The following DSE variants were observed in gnomAD, a reference collection of about 807,000 sequenced individuals.
DSE encodes the protein dermatan-sulfate epimerase.
Under a neutral mutation model 84.4 loss-of-function variants are expected in DSE, and 36 were observed. That is an observed-to-expected ratio of 0.43 (90% CI 0.33 to 0.56). DSE has a LOEUF of 0.56. Ranked by LOEUF, DSE falls within the 20% of genes least tolerant of loss-of-function variation. The pLI is 0.06. For synonymous variants in DSE, 410 were observed against 430.1 expected, an observed-to-expected ratio of 0.95 and a Z score of 0.58; for missense variants, 862 against 1,169.6, an observed-to-expected ratio of 0.74 and a Z score of 3.84.
intron 2 of DSE, among the ~76,000 whole-genome samples, chr6:116,286,783 A>G (rs781718094): frequency 2.0e-5 from 3 of 152,280 alleles, no homozygotes; most frequent in Non-Finnish European, 4.4e-5. Context: ...TGTGATTCAA[A>G]TACCATGGTG....
At chr6:116,406,121 G>A (rs1300892465) in intron 2 of DSE, among the ~76,000 whole-genome samples, 1 of 152,118 alleles carries the variant, frequency 6.6e-6, no homozygotes, top group Non-Finnish European at 1.5e-5. Flanking sequence ...TTCAGTATTG[G>A]TATGACCCTC....
chr6:116,393,761 T>C (rs1257612006), intron 1 of DSE, among the ~76,000 whole-genome samples: 1 of 152,234 alleles, frequency 6.6e-6, no homozygotes, highest in Admixed American at 6.5e-5. Flanking sequence ...GGTTTTTTAA[T>C]CCATCTTAGT....
intron 2 of DSE, among the ~76,000 whole-genome samples, chr6:116,300,371 G>T (rs1774957954): frequency 6.6e-6 from 1 of 152,094 alleles, no homozygotes; most frequent in South Asian, 2.1e-4. Context: ...TCATACAAAT[G>T]CAAAAATGAA....
chr6:116,311,780 A>G (rs114662948), intron 2 of DSE, among the ~76,000 whole-genome samples: 145 of 152,214 alleles, frequency 9.5e-4, no homozygotes, highest in African/African-American at 3.2e-3. Flanking sequence ...GAATGTTCCA[A>G]ATGTTTAAAG....
intron 2 of DSE, among the ~76,000 whole-genome samples, chr6:116,421,893 C>A (rs1044949377): frequency 1.3e-5 from 2 of 152,116 alleles, no homozygotes; most frequent in African/African-American, 4.8e-5. Context: ...GAAAATCCAG[C>A]CTCACAGGAA....
rs1008435401 is a variant in DSE, at chr6:116,314,217, T to C, written c.-54+55250T>C. ...TGTTATCATATGGCAGGACTATAAA[T>C]AGAGAAAATCATATTTTTAAAAATC... On this transcript the variant is annotated intron_variant, in intron 2 of 3. Coordinates refer to the DSE transcript ENST00000430252. Among the ~76,000 whole-genome samples the C allele has an allele frequency of 3.3e-5, 5 of 152,340 alleles. No homozygotes were observed. In the East Asian group the frequency reaches 7.7e-4, roughly 23 times the overall value.
At chr6:116,291,429 C>A (rs899495742) in intron 2 of DSE, among the ~76,000 whole-genome samples, 1 of 151,664 alleles carries the variant, frequency 6.6e-6, no homozygotes, top group Non-Finnish European at 1.5e-5. Flanking sequence ...GACTAAAATA[C>A]CCTGAACAAA....
At chr6:116,296,587 A>G (rs1774680577) in intron 2 of DSE, among the ~76,000 whole-genome samples, 1 of 152,196 alleles carries the variant, frequency 6.6e-6, no homozygotes. Flanking sequence ...AGTGGTGAGA[A>G]GGTGTCAGAT....
In DSE at chr6:116,402,979, G is replaced by A. The variant is rs570716362; in HGVS notation, c.416+3313G>A. Among the ~76,000 whole-genome samples, 5 of 152,280 alleles carry A rather than the reference G, an allele frequency of 3.3e-5. No individual in the cohort carries two copies. The East Asian group carries it at 9.6e-4, about 29-fold the overall frequency. On this transcript the variant is annotated intron_variant, in intron 2 of 5. Transcript: ENST00000644252. ...AGATTCACTTAAGAATTCTGAAGCA[G>A]AAACGTTAAAGGGAAAATATTCAAT...
At chr6:116,325,070 A>G (rs1422315463) in intron 2 of DSE, among the ~76,000 whole-genome samples, 1 of 152,080 alleles carries the variant, frequency 6.6e-6, no homozygotes, top group African/African-American at 2.4e-5. Context: ...GGTGGAAACA[A>G]TCCTCCTTGG....
intron 2 of DSE, among the ~76,000 whole-genome samples, chr6:116,270,678 A>G (rs1772841985): frequency 6.6e-6 from 1 of 152,206 alleles, no homozygotes; most frequent in Non-Finnish European, 1.5e-5. Flanking sequence ...CTATTGTTTA[A>G]CATAAACATA....
intron 2 of DSE, among the ~76,000 whole-genome samples, chr6:116,417,086 A>G (rs1253303987): frequency 1.3e-5 from 2 of 152,180 alleles, no homozygotes; most frequent in Non-Finnish European, 2.9e-5. Context: ...TTTTAACCGT[A>G]GTCTTTAAGC....
intron 1 of DSE, among the ~76,000 whole-genome samples, chr6:116,395,404 G>A (rs576417289): frequency 1.5e-4 from 22 of 150,744 alleles, no homozygotes; most frequent in African/African-American, 4.6e-4. Flanking sequence ...CAGCCTGGGC[G>A]ACAGAGCGAG....
At chr6:116,337,315 T>C (rs913187412) in intron 2 of DSE, among the ~76,000 whole-genome samples, 7 of 152,182 alleles carry the variant, frequency 4.6e-5, no homozygotes, top group Non-Finnish European at 1.0e-4. Flanking sequence ...TTATTTGTCA[T>C]TTAAAATTAG....
At chr6:116,434,357 T>C (rs1784028222) in intron 5 of DSE, among the ~76,000 whole-genome samples, 1 of 152,170 alleles carries the variant, frequency 6.6e-6, no homozygotes, top group Non-Finnish European at 1.5e-5. Flanking sequence ...TTTATCCTTT[T>C]TTTTCAAAAT....
At position 116,443,951 on chromosome 6, in the gene DSE, G is replaced by A. The variant is rs1172996031; in HGVS notation, c.*6606G>A. ...TACTTTGTACTTTTCAGTCTCTGCT[G>A]TTTACCATTTTTGTCCAGGATCAGA... On this transcript the variant is annotated 3_prime_UTR_variant, in exon 6 of 6. Coordinates refer to ENST00000644252, the MANE Select transcript of DSE (RefSeq NM_013352.4). 6.6e-6 allele frequency: 1 copy of A among 152,164 alleles called. No individual in the cohort carries two copies. Among genetic ancestry groups the A allele is most frequent in the Non-Finnish European group, 1.5e-5 (1 of 68,018 alleles). 9.4% of individuals were successfully genotyped at this position (152,164 alleles called of 1,614,324 possible). A position where few individuals can be genotyped will look rare whatever the true frequency, so the allele number is the denominator to read the frequency against.
chr6:116,306,422 A>C (rs929761686), intron 2 of DSE, among the ~76,000 whole-genome samples: 1 of 152,180 alleles, frequency 6.6e-6, no homozygotes, highest in Admixed American at 6.5e-5. Context: ...GAGTTTCTAC[A>C]ATCAGGTCTC....
intron 2 of DSE, among the ~76,000 whole-genome samples, chr6:116,311,958 T>C (rs535242113): frequency 1.1e-3 from 162 of 152,236 alleles, no homozygotes; most frequent in African/African-American, 3.8e-3. Flanking sequence ...TGGAGTAAGA[T>C]TGAAAAAAAC....
chr6:116,396,759 G>A (rs914863194), intron 1 of DSE, among the ~76,000 whole-genome samples: 1 of 152,174 alleles, frequency 6.6e-6, no homozygotes, highest in African/African-American at 2.4e-5. Flanking sequence ...GAGTTTTGCT[G>A]AGTTAGGCAT....
Sources: allele counts gnomAD v4.1 joint callset (sites outside exome capture counted in the v4.1 genomes callset), GRCh38; gene constraint gnomAD v4.1.1; transcripts MANE v1.5; gene names NCBI Gene and HGNC (gene_info 2026-07-23, HGNC 2026-07-21).